OSBPL1A: variants seen among roughly 807,000 people sequenced by gnomAD.
The protein encoded by OSBPL1A is oxysterol-binding protein-related protein 1.
A neutral mutation model predicts 137.1 loss-of-function variants in OSBPL1A; 80 were observed. The observed-to-expected ratio is 0.58, with a 90% CI of 0.49 to 0.70. The LOEUF (loss-of-function observed/expected upper bound fraction) is 0.70, where lower values mean the gene tolerates loss of function less well. Among genes scored for constraint, OSBPL1A ranks in the 30% least tolerant of loss-of-function variants. OSBPL1A has a pLI of 0.00. For missense variants in OSBPL1A, 970 were observed against 1,129.4 expected (o/e 0.86, Z 2.02); for synonymous variants, 365 against 389.7 (o/e 0.94, Z 0.75).
intron 15 of OSBPL1A, among the ~76,000 whole-genome samples, chr18:24,243,026 TC>T (rs1460333701): frequency 1.3e-5 from 2 of 152,132 alleles, no homozygotes; most frequent in Non-Finnish European, 2.9e-5. Flanking sequence ...TCACTTGACT[TC>T]GAGACCAGCC....
At chr18:24,309,227 A>T (rs1283430186) in intron 13 of OSBPL1A, among the ~76,000 whole-genome samples, 3 of 152,258 alleles carry the variant, frequency 2.0e-5, no homozygotes, top group African/African-American at 7.2e-5. Flanking sequence ...AATATTTTCA[A>T]GTTGCTATTA....
At chr18:24,286,280 T>C (rs1408118001) in intron 14 of OSBPL1A, among the ~76,000 whole-genome samples, 1 of 152,120 alleles carries the variant, frequency 6.6e-6, no homozygotes, top group African/African-American at 2.4e-5. Flanking sequence ...CAACTAACCT[T>C]CTAAAAACTA....
chr18:24,250,174 G>GTTTT (rs1233264916), intron 15 of OSBPL1A, among the ~76,000 whole-genome samples: 18 of 75,368 alleles, frequency 2.4e-4, no homozygotes, highest in African/African-American at 6.0e-4. Context: ...TTGTTTGTTT[G>GTTTT]TTTGTTTGTT....
intron 1 of OSBPL1A, among the ~76,000 whole-genome samples, chr18:24,391,584 C>T (rs949034170): frequency 6.7e-6 from 1 of 150,180 alleles, no homozygotes; most frequent in Non-Finnish European, 1.5e-5. Context: ...AAATTAATTA[C>T]CAAATGTCAT....
chr18:24,255,201 C>A (rs1018843479), intron 15 of OSBPL1A, among the ~76,000 whole-genome samples: 3 of 152,078 alleles, frequency 2.0e-5, no homozygotes, highest in African/African-American at 7.2e-5. Flanking sequence ...TAGATAAAAG[C>A]CATAACAAAA....
chr18:24,265,650 T>C (rs1412294267), intron 15 of OSBPL1A, among the ~76,000 whole-genome samples: 2 of 152,146 alleles, frequency 1.3e-5, no homozygotes, highest in East Asian at 1.9e-4. Flanking sequence ...CCCAGTGTCC[T>C]GAATGTAGCA....
At chr18:24,188,305 G>C (rs1416606824) in intron 18 of OSBPL1A, among the ~76,000 whole-genome samples, 5 of 152,206 alleles carry the variant, frequency 3.3e-5, no homozygotes, top group Admixed American at 3.3e-4. Flanking sequence ...CAGCACGGCA[G>C]GATGGGGCAG....
chr18:24,396,413 A>T (rs769812717), intron 1 of OSBPL1A, among the ~76,000 whole-genome samples: 3 of 152,170 alleles, frequency 2.0e-5, no homozygotes, highest in Non-Finnish European at 4.4e-5. Flanking sequence ...AAATACTAAG[A>T]TAACAAATGT....
intron 14 of OSBPL1A, among the ~76,000 whole-genome samples, chr18:24,290,493 C>T (rs958054259): frequency 7.9e-5 from 12 of 152,030 alleles, no homozygotes; most frequent in Admixed American, 1.3e-4. Flanking sequence ...CCAGCCTGGG[C>T]GACACGATAA....
At chr18:24,362,891 G>A (rs1216211884) in intron 4 of OSBPL1A, among the ~76,000 whole-genome samples, 2 of 152,212 alleles carry the variant, frequency 1.3e-5, no homozygotes, top group Admixed American at 6.5e-5. Flanking sequence ...GGAATGGCAG[G>A]AACTTGGAGG....
At chr18:24,173,475 T>C (rs2145913175) in intron 21 of OSBPL1A, among the ~76,000 whole-genome samples, 1 of 152,326 alleles carries the variant, frequency 6.6e-6, no homozygotes, top group African/African-American at 2.4e-5. Flanking sequence ...TGCAGTGGCG[T>C]GATCTCGGCT....
intron 15 of OSBPL1A, among the ~76,000 whole-genome samples, chr18:24,248,866 A>T (rs531334310): frequency 1.3e-5 from 2 of 152,362 alleles, no homozygotes; most frequent in Non-Finnish European, 2.9e-5. Flanking sequence ...TTTAAAAATA[A>T]CTTCCCATAA....
intron 7 of OSBPL1A, among the ~76,000 whole-genome samples, chr18:24,330,199 T>C (rs1008542923): frequency 1.1e-4 from 17 of 152,188 alleles, no homozygotes; most frequent in African/African-American, 4.1e-4. Flanking sequence ...ATGGCCCTGC[T>C]GTACAAGTGT....
At chr18:24,187,286 C>G (rs1214360280) in intron 18 of OSBPL1A, among the ~76,000 whole-genome samples, 1 of 152,114 alleles carries the variant, frequency 6.6e-6, no homozygotes, top group Non-Finnish European at 1.5e-5. Flanking sequence ...GTTTTGCAAG[C>G]TGAAGAGAGT....
chr18:24,178,648 T>C (rs919881575), intron 20 of OSBPL1A, among the ~76,000 whole-genome samples: 1 of 152,184 alleles, frequency 6.6e-6, no homozygotes, highest in Non-Finnish European at 1.5e-5. Flanking sequence ...ATTATACAAA[T>C]GCAACCCAAA....
chr18:24,204,266 C>T (rs150083536), intron 17 of OSBPL1A, among the ~76,000 whole-genome samples: 4 of 152,246 alleles, frequency 2.6e-5, no homozygotes, highest in African/African-American at 9.6e-5. Flanking sequence ...TGTTATTTTA[C>T]TTTGTTTTTC....
chr18:24,235,724 A>G (rs1241299715), intron 16 of OSBPL1A, among the ~76,000 whole-genome samples: 6 of 152,234 alleles, frequency 3.9e-5, no homozygotes, highest in Non-Finnish European at 7.3e-5. Context: ...GCAAGAGATC[A>G]AGGCTGGAGA....
chr18:24,234,816 CT>C (rs2088408993), intron 16 of OSBPL1A, among the ~76,000 whole-genome samples: 1 of 151,064 alleles, frequency 6.6e-6, no homozygotes. Flanking sequence ...TTTTTCATAC[CT>C]TCTCAATATC....
chr18:24,377,563 A>G, intron 1 of OSBPL1A, 28 bp from the exon 2 acceptor site: 6 of 1,561,620 alleles, frequency 3.8e-6, no homozygotes, highest in Non-Finnish European at 5.2e-6. Context: ...TAACATTGCT[A>G]TTATTTAAGA....
Sources: gnomAD v4.1 joint callset for allele counts (sites outside exome capture counted in the v4.1 genomes callset) on GRCh38, gnomAD v4.1.1 for gene constraint, MANE v1.5 for transcripts, NCBI Gene and HGNC (gene_info 2026-07-23, HGNC 2026-07-21) for gene names.